ATP2B1: variants seen among roughly 807,000 people sequenced by gnomAD.
ATP2B1 encodes ATPase plasma membrane Ca2+ transporting 1.
A neutral mutation model predicts 124.2 loss-of-function variants in ATP2B1; 14 were observed. The ratio of observed to expected loss-of-function variants is 0.11; its 90% CI spans 0.07 to 0.18. ATP2B1 has a LOEUF of 0.18. Among genes scored for constraint, ATP2B1 ranks in the 10% least tolerant of loss-of-function variants. The pLI is 1.00. For synonymous variants in ATP2B1, 449 were observed against 492.4 expected (o/e 0.91, Z 1.17); for missense variants, 763 against 1,466.1 (o/e 0.52, Z 7.83).
rs1364861691 is a variant in ATP2B1, at chr12:89,635,213, C to T, written c.445G>A (p.Gly149Ser). ...GCTCCTTCAATCCAACCAGTTTCACCTTCACCTTCTTCCTCCCCAACAGAA... is the reference window on the plus strand; with the variant it reads ...GCTCCTTCAATCCAACCAGTTTCACTTTCACCTTCTTCCTCCCCAACAGAA... ...EVSVGEEEGE[G>S]ETGWIEGAAI... is the part of the protein sequence containing the mutation. Residue 149 changes from glycine (G) to serine (S), a missense_variant, in exon 4 of 21, where the codon GGT becomes AGT. Coordinates refer to ENST00000428670, the MANE Select transcript of ATP2B1 (RefSeq NM_001366521.1). 1.2e-6 allele frequency: 2 copies of T among 1,613,462 alleles called. No individual in the cohort carries two copies. The highest frequency in any genetic ancestry group is 2.2e-5 in the South Asian group (2 of 91,070).
chr12:89,600,531 A>G (rs1875583704), intron 19 of ATP2B1, among the ~76,000 whole-genome samples: 2 of 152,168 alleles, frequency 1.3e-5, no homozygotes, highest in South Asian at 4.1e-4. Context: ...ATTCAAATCT[A>G]AAACATCATT....
Position 89,591,109 on chromosome 12 carries a change from G to A in ATP2B1, c.3538C>T (p.Pro1180Ser). Residue 1180 changes from proline to serine, a missense_variant, in exon 21 of 21, where the codon CCA (proline) becomes TCA (serine). Physicochemically the swap from Pro to Ser is moderately conservative, Grantham distance 74 (BLOSUM62 -1). This residue lies in a region of ATP2B1 where 97 missense variants were observed against 94.7 expected (regional missense o/e 1.02). Transcript: ENST00000428670. ...TTGTTATTTTTGTTGGGAGAGGGTG[G>A]AGGACTGGAGTTACGTTTTGTAGGA... ...DAPTKRNSSP[P>S]PSPNKNNNAV... 6.2e-7 allele frequency: 1 copy of A among 1,613,204 alleles called. No homozygotes were observed. The highest frequency in any genetic ancestry group is 1.1e-5 in the South Asian group (1 of 91,070).
At chr12:89,606,572 C>CTTTTTT (rs11390166) in intron 15 of ATP2B1, among the ~76,000 whole-genome samples, 1 of 129,102 alleles carries the variant, frequency 7.7e-6, no homozygotes. Context: ...TAATGTCCCA[C>CTTTTTT]TTTTTTTTTT....
At position 89,699,744 on chromosome 12, in the gene ATP2B1, T is replaced by A. The variant is rs140573738; in HGVS notation, c.-222+8852A>T. On this transcript the variant is annotated intron_variant, in intron 1 of 20. Transcript: ENST00000428670. Reference sequence around the variant, plus strand: ...CACAGGCTCTGAGAAAGGTGGGTATTTCTAGCAAAAGAAATGCTGTCAGCA... The same window carrying A: ...CACAGGCTCTGAGAAAGGTGGGTATATCTAGCAAAAGAAATGCTGTCAGCA... Among the ~76,000 whole-genome samples, 158 of 152,280 alleles carry A rather than the reference T, an allele frequency of 1.0e-3. 2 individuals carry two copies. The highest frequency in any genetic ancestry group is 3.6e-3 in the African/African-American group (150 of 41,536).
Position 89,590,429 on chromosome 12 carries a change from T to C in ATP2B1, c.*555A>G, listed in dbSNP as rs1027295117. ...ATAGAAACACCCCTTTTTTTTTTTTTCCTGAAAATACAGCAGTATTTGAAG... is the reference window on the plus strand; with the variant it reads ...ATAGAAACACCCCTTTTTTTTTTTTCCCTGAAAATACAGCAGTATTTGAAG... On this transcript the variant is annotated 3_prime_UTR_variant, in exon 21 of 21. Transcript: ENST00000428670. 1 of 151,708 alleles carries C rather than the reference T, an allele frequency of 6.6e-6. No homozygotes were observed. Among genetic ancestry groups the C allele is most frequent in the Non-Finnish European group, 1.5e-5 (1 of 67,830 alleles). 9.4% of individuals were successfully genotyped at this position (151,708 alleles called of 1,614,324 possible). A position where few individuals can be genotyped will look rare whatever the true frequency, so the allele number is the denominator to read the frequency against.
intron 3 of ATP2B1, among the ~76,000 whole-genome samples, chr12:89,637,801 CA>C (rs974051667): frequency 1.3e-5 from 2 of 152,102 alleles, no homozygotes; most frequent in Non-Finnish European, 2.9e-5. Context: ...GGTATGTGCT[CA>C]TTTTTTTCCT....
chr12:89,625,614 A>G, intron 8 of ATP2B1, among the ~76,000 whole-genome samples: 1 of 151,246 alleles, frequency 6.6e-6, no homozygotes. Context: ...AGAAAAGAAA[A>G]GAAAAAAAGA....
At chr12:89,610,631 G>T in intron 13 of ATP2B1, 123 bp from the exon 14 acceptor site, 1 of 768,558 alleles carries the variant, frequency 1.3e-6, no homozygotes, top group Non-Finnish European at 2.2e-6. Context: ...AAACTCCTGG[G>T]AACTTGTTAG....
chr12:89,697,764 C>T (rs1159514099), intron 1 of ATP2B1, among the ~76,000 whole-genome samples: 1 of 151,140 alleles, frequency 6.6e-6, no homozygotes, highest in Non-Finnish European at 1.5e-5. Context: ...CTTAGTCCCC[C>T]ATCCCATTTT....
At chr12:89,683,002 C>T (rs1341801165) in intron 1 of ATP2B1, among the ~76,000 whole-genome samples, 1 of 152,032 alleles carries the variant, frequency 6.6e-6, no homozygotes, top group East Asian at 1.9e-4. Context: ...ATCAAATCTC[C>T]TAAAGAAGAA....
At chr12:89,608,159 T>C (rs1164018309) in intron 15 of ATP2B1, among the ~76,000 whole-genome samples, 1 of 152,132 alleles carries the variant, frequency 6.6e-6, no homozygotes, top group East Asian at 1.9e-4. Context: ...TTTCTCTATG[T>C]TTTTAAACTA....
At chr12:89,605,083 C>T (rs1876576990) in intron 15 of ATP2B1, among the ~76,000 whole-genome samples, 1 of 152,060 alleles carries the variant, frequency 6.6e-6, no homozygotes, top group Admixed American at 6.5e-5. Flanking sequence ...AAACATAATG[C>T]TGAATAAAGA....
chr12:89,689,336 T>C (rs752775494), intron 1 of ATP2B1, among the ~76,000 whole-genome samples: 3 of 152,166 alleles, frequency 2.0e-5, no homozygotes, highest in Non-Finnish European at 2.9e-5. Context: ...CCTAGTGTCA[T>C]AAATTAACAG....
chr12:89,703,936 G>A (rs1334491299), intron 1 of ATP2B1, among the ~76,000 whole-genome samples: 1 of 152,132 alleles, frequency 6.6e-6, no homozygotes, highest in East Asian at 1.9e-4. Context: ...AATTCCAGGG[G>A]CAATGCCAAG....
intron 1 of ATP2B1, among the ~76,000 whole-genome samples, chr12:89,674,625 GT>G (rs1406876847): frequency 6.6e-6 from 1 of 152,148 alleles, no homozygotes; most frequent in Non-Finnish European, 1.5e-5. Context: ...TTTCAACAGC[GT>G]TTTTGGTTTA....
At chr12:89,626,736 T>G in intron 7 of ATP2B1, 121 bp from the exon 8 acceptor site, 1 of 1,148,526 alleles carries the variant, frequency 8.7e-7, no homozygotes, top group South Asian at 1.8e-5. Flanking sequence ...AGCATTCAGC[T>G]TTGTGAGTGT....
intron 20 of ATP2B1, among the ~76,000 whole-genome samples, chr12:89,598,065 C>CAAAAAAAAAAAAAAAA (rs1565797438): frequency 1.4e-4 from 7 of 49,672 alleles, no homozygotes; most frequent in African/African-American, 2.2e-4. Flanking sequence ...AAAAAAAAAT[C>CAAAAAAAAAAAAAAAA]AAAGCAAGGC....
intron 1 of ATP2B1, among the ~76,000 whole-genome samples, chr12:89,673,707 G>A (rs1248824511): frequency 6.6e-6 from 1 of 152,144 alleles, no homozygotes; most frequent in Non-Finnish European, 1.5e-5. Flanking sequence ...TTAATTTGAA[G>A]TGTATGGATT....
At chr12:89,621,134 A>C (rs771897735) in intron 10 of ATP2B1, among the ~76,000 whole-genome samples, 3 of 152,150 alleles carry the variant, frequency 2.0e-5, no homozygotes, top group Non-Finnish European at 4.4e-5. Context: ...ACTACTGAGA[A>C]ACCAAACAGA....
Sources: allele counts gnomAD v4.1 joint callset (sites outside exome capture counted in the v4.1 genomes callset), GRCh38; gene constraint gnomAD v4.1.1; regional missense constraint gnomAD v4.1.1; transcripts MANE v1.5; gene names NCBI Gene and HGNC (gene_info 2026-07-23, HGNC 2026-07-21).